Variants in RALGAPA2 observed in about 807,000 individuals in gnomAD.
RALGAPA2 encodes ral GTPase-activating protein subunit alpha-2.
Under a neutral mutation model 230.4 loss-of-function variants are expected in RALGAPA2, and 139 were observed. That is an observed-to-expected ratio of 0.60 (90% CI 0.53 to 0.69). The LOEUF (loss-of-function observed/expected upper bound fraction) is 0.69, where lower values mean the gene tolerates loss of function less well. RALGAPA2 is among the 30% of genes least tolerant of loss of function. The pLI is 0.00. For missense variants in RALGAPA2, 2,163 were observed against 2,276.0 expected, an observed-to-expected ratio of 0.95 and a Z score of 1.01; for synonymous variants, 847 against 837.8, an observed-to-expected ratio of 1.01 and a Z score of -0.19.
At chr20:20,564,268 G>A (rs1303687529) in intron 23 of RALGAPA2, among the ~76,000 whole-genome samples, 1 of 152,142 alleles carries the variant, frequency 6.6e-6, no homozygotes, top group Non-Finnish European at 1.5e-5. Context: ...GAAAAGTTCT[G>A]TATCTTTGAT....
intron 23 of RALGAPA2, among the ~76,000 whole-genome samples, chr20:20,570,839 C>T (rs1021686748): frequency 1.3e-5 from 2 of 152,146 alleles, no homozygotes; most frequent in African/African-American, 4.8e-5. Context: ...CCGTAATCTC[C>T]CTCAACTGGC....
intron 10 of RALGAPA2, among the ~76,000 whole-genome samples, chr20:20,627,426 G>T (rs180848770): frequency 6.6e-6 from 1 of 152,198 alleles, no homozygotes; most frequent in Admixed American, 6.5e-5. Context: ...TGGATGGCAC[G>T]TGGGCATTTT....
chr20:20,660,403 G>A (rs973594988), intron 3 of RALGAPA2, among the ~76,000 whole-genome samples: 2 of 152,126 alleles, frequency 1.3e-5, no homozygotes, highest in African/African-American at 2.4e-5. Flanking sequence ...ACCTGTCTGA[G>A]AGATCAGATT....
At chr20:20,672,471 G>C (rs905421611) in intron 3 of RALGAPA2, among the ~76,000 whole-genome samples, 1 of 152,054 alleles carries the variant, frequency 6.6e-6, no homozygotes, top group Non-Finnish European at 1.5e-5. Context: ...AAAGCAACCA[G>C]CCACATAAGA....
intron 37 of RALGAPA2, among the ~76,000 whole-genome samples, chr20:20,450,947 T>C (rs1399476382): frequency 1.3e-5 from 2 of 152,234 alleles, no homozygotes; most frequent in Non-Finnish European, 2.9e-5. Flanking sequence ...TTTGCCCTCA[T>C]TTCATAAAAA....
rs6046930 is a variant in RALGAPA2, at chr20:20,555,485, T to C, written c.3157-8653A>G. 1.9e-3 allele frequency among the ~76,000 whole-genome samples: 289 copies of C among 152,366 alleles called. 1 individual carries two copies. Among genetic ancestry groups the C allele is most frequent in the African/African-American group, 6.5e-3 (269 of 41,584 alleles). ...ACCATTGAAATTTTGATAGGGATTG[T>C]ATGGAATCTACATGTCAGTTTGGGG... On this transcript the variant is annotated intron_variant, in intron 23 of 39. Coordinates refer to ENST00000202677, the MANE Select transcript of RALGAPA2 (RefSeq NM_020343.4).
In RALGAPA2 at chr20:20,485,710, A is replaced by G. The variant is rs557850131; in HGVS notation, c.5367+9407T>C. Among the ~76,000 whole-genome samples, 11 of 152,336 alleles carry G rather than the reference A, an allele frequency of 7.2e-5. No individual in the cohort carries two copies. In the South Asian group the frequency reaches 2.1e-3, roughly 29 times the overall value. ...GCTTCACAGATAGTGGAAGTTCCTT[A>G]TAAGAGAGTATTCCCAATTCCTCCC... On this transcript the variant is annotated intron_variant, in intron 36 of 39. Coordinates refer to ENST00000202677, the MANE Select transcript of RALGAPA2 (RefSeq NM_020343.4).
At chr20:20,710,858 A>G (rs1341020092) in intron 1 of RALGAPA2, among the ~76,000 whole-genome samples, 2 of 152,224 alleles carry the variant, frequency 1.3e-5, no homozygotes, top group East Asian at 1.9e-4. Context: ...GGCTCAAAGT[A>G]TCAAACGCTT....
At chr20:20,580,575 G>A (rs933645833) in intron 20 of RALGAPA2, among the ~76,000 whole-genome samples, 9 of 152,068 alleles carry the variant, frequency 5.9e-5, no homozygotes, top group Non-Finnish European at 1.0e-4. Context: ...CACTAAAAGC[G>A]GTTGCCCCAT....
Position 20,629,577 on chromosome 20 carries a change from C to A in RALGAPA2, c.1019G>T (p.Gly340Val), listed in dbSNP as rs770751695. 4 of 1,613,292 alleles carry A rather than the reference C, an allele frequency of 2.5e-6. No homozygotes were observed. The South Asian group carries it at 4.4e-5, about 18-fold the overall frequency. The change falls in exon 10 of 40, where the codon GGT becomes GTT. Residue 340 changes from glycine (G) to valine (V), a missense_variant. By Grantham distance (109) the Gly-to-Val change is moderately radical. Coordinates refer to ENST00000202677, the MANE Select transcript of RALGAPA2 (RefSeq NM_020343.4). Reference sequence around the variant, plus strand: ...CTCAGGCGCTCTCTCCTGCACAGCACCACCACCAACAGTCTGGAAGAAAGT... The same window carrying A: ...CTCAGGCGCTCTCTCCTGCACAGCAACACCACCAACAGTCTGGAAGAAAGT... ...LPKIIQTVGGGAVQERAPELD... is the reference protein window; with the variant it reads ...LPKIIQTVGGVAVQERAPELD...
chr20:20,494,539 G>A (rs1283817448), intron 36 of RALGAPA2, among the ~76,000 whole-genome samples: 1 of 152,230 alleles, frequency 6.6e-6, no homozygotes, highest in Non-Finnish European at 1.5e-5. Context: ...CTCTTCCCAT[G>A]ATCAATACCA....
chr20:20,458,736 CTATATATATATACATACACACCTA>C (rs2061203979), intron 37 of RALGAPA2, among the ~76,000 whole-genome samples: 1 of 15,408 alleles, frequency 6.5e-5, no homozygotes. Flanking sequence ...ATACACACAC[CTATATATATATACATACACACCTA>C]TATATATATA....
At chr20:20,422,803 A>C (rs143890384) in intron 37 of RALGAPA2, among the ~76,000 whole-genome samples, 74 of 152,310 alleles carry the variant, frequency 4.9e-4, no homozygotes, top group African/African-American at 1.7e-3. Flanking sequence ...GAGGATGAAA[A>C]AGACATAGTC....
intron 37 of RALGAPA2, among the ~76,000 whole-genome samples, chr20:20,425,043 G>C (rs1402753908): frequency 6.6e-6 from 1 of 152,160 alleles, no homozygotes; most frequent in Admixed American, 6.6e-5. Flanking sequence ...CTATTTTGAA[G>C]GCAAAAGCGA....
At chr20:20,607,135 T>C (rs2065846005) in intron 14 of RALGAPA2, among the ~76,000 whole-genome samples, 2 of 152,316 alleles carry the variant, frequency 1.3e-5, no homozygotes, top group South Asian at 4.1e-4. Flanking sequence ...GTAGGTGAGT[T>C]CACTTCTTAA....
chr20:20,510,591 C>T (rs1053633466), intron 33 of RALGAPA2, among the ~76,000 whole-genome samples: 5 of 151,470 alleles, frequency 3.3e-5, no homozygotes, highest in Admixed American at 6.6e-5. Context: ...CTCTTCGAAA[C>T]TTTGGAACAT....
intron 37 of RALGAPA2, among the ~76,000 whole-genome samples, chr20:20,431,719 A>G (rs550123485): frequency 6.6e-6 from 1 of 152,344 alleles, no homozygotes; most frequent in Admixed American, 6.5e-5. Context: ...AAATAAATGT[A>G]AGTATGTGAA....
chr20:20,443,826 T>A (rs137889750), intron 37 of RALGAPA2, among the ~76,000 whole-genome samples: 243 of 152,368 alleles, frequency 1.6e-3, no homozygotes, highest in African/African-American at 5.8e-3. Flanking sequence ...TTAGCCACTA[T>A]TCTCCCCTCT....
chr20:20,535,297 T>A (rs1254582906), intron 26 of RALGAPA2, among the ~76,000 whole-genome samples: 1 of 152,208 alleles, frequency 6.6e-6, no homozygotes, highest in Non-Finnish European at 1.5e-5. Context: ...TCATATATCT[T>A]GATCATAGGT....
Sources: allele counts gnomAD v4.1 joint callset (sites outside exome capture counted in the v4.1 genomes callset), GRCh38; gene constraint gnomAD v4.1.1; transcripts MANE v1.5; gene names NCBI Gene and HGNC (gene_info 2026-07-23, HGNC 2026-07-21).